CHCHD4: variants seen among roughly 807,000 people sequenced by gnomAD.
CHCHD4 encodes the protein coiled-coil-helix-coiled-coil-helix domain containing 4, also known as mitochondrial intermembrane space import and assembly protein 40.
In CHCHD4, 7 loss-of-function variants were observed where a neutral mutation model predicts 12.4. The ratio of observed to expected loss-of-function variants is 0.57; its 90% CI spans 0.32 to 1.06. The LOEUF is 1.06. Among genes scored for constraint, CHCHD4 ranks in the 50% least tolerant of loss-of-function variants. The probability of loss-of-function intolerance (pLI) is 0.04; values close to 1 mark genes in which losing one functional copy is unlikely to be tolerated. For missense variants in CHCHD4, 143 were observed against 175.1 expected (o/e 0.82, Z 1.03); for synonymous variants, 56 against 58.0 (o/e 0.97, Z 0.16).
chr3:14,124,508 C>G (rs542109853), intron 1 of CHCHD4, 147 bp downstream of exon 1: 17 of 583,090 alleles, frequency 2.9e-5, no homozygotes, highest in Non-Finnish European at 4.4e-5. Context: ...AGCGACCCCC[C>G]AGCCGGCCCG....
In CHCHD4 at chr3:14,116,490, ATCT is replaced by A. The variant is rs775165742; in HGVS notation, c.54_56del (p.Glu18del). The A allele has an allele frequency of 1.1e-5, 18 of 1,613,386 alleles. No homozygotes were observed. In the African/African-American group the frequency reaches 1.9e-4, roughly 17 times the overall value. On this transcript the variant is annotated inframe_deletion, in exon 2 of 3. Coordinates refer to ENST00000396914, the MANE Select transcript of CHCHD4 (RefSeq NM_001098502.2). ...ATTCTGCACTGCTTGGAGTTTCATGATCTTCTTTGGTTACAAATATGATTCGAT... is the reference window on the plus strand; with the variant it reads ...ATTCTGCACTGCTTGGAGTTTCATGATCTTTGGTTACAAATATGATTCGAT...
intron 1 of CHCHD4, chr3:14,122,150 T>A: frequency 6.7e-7 from 1 of 1,497,762 alleles, no homozygotes; most frequent in South Asian, 1.3e-5. Context: ...TGCAAAAGGT[T>A]TTCTTAAGAA....
chr3:14,118,511 C>G (rs1349838104), intron 1 of CHCHD4, among the ~76,000 whole-genome samples: 2 of 152,224 alleles, frequency 1.3e-5, no homozygotes, highest in Non-Finnish European at 1.5e-5. Flanking sequence ...AGGGAGGGCA[C>G]TTTGGTGCCT....
Position 14,112,147 on chromosome 3 carries a change from G to A in CHCHD4, c.*740C>T, listed in dbSNP as rs1332693642. On this transcript the variant is annotated 3_prime_UTR_variant, in exon 3 of 3. Transcript: ENST00000396914. The stretch of plus-strand genomic sequence containing the variant: ...ACGTTTCCTCTCTTGCTGCTACTCT[G>A]GTAATAATTAGGTCCCCACCTCTCA... 4 of 152,280 alleles carry A rather than the reference G, an allele frequency of 2.6e-5. No homozygotes were observed. Among genetic ancestry groups the A allele is most frequent in the African/African-American group, 9.6e-5 (4 of 41,540 alleles). The allele number at this position is 152,280 out of a possible 1,614,324, so 9.4% of individuals were successfully genotyped here. A position where few individuals can be genotyped will look rare whatever the true frequency, so the allele number is the denominator to read the frequency against.
chr3:14,124,356 G>A (rs1294689597), intron 1 of CHCHD4, among the ~76,000 whole-genome samples: 1 of 152,178 alleles, frequency 6.6e-6, no homozygotes, highest in Non-Finnish European at 1.5e-5. Flanking sequence ...AACGTGCTCG[G>A]CACTTCCCGT....
intron 1 of CHCHD4, among the ~76,000 whole-genome samples, chr3:14,119,793 C>G (rs377591288): frequency 1.2e-4 from 19 of 152,142 alleles, no homozygotes; most frequent in Middle Eastern, 3.2e-3. Context: ...TTAAGCACTT[C>G]CCACTGTATG....
At chr3:14,117,902 G>A (rs1030068817) in intron 1 of CHCHD4, among the ~76,000 whole-genome samples, 2 of 152,160 alleles carry the variant, frequency 1.3e-5, no homozygotes, top group South Asian at 2.1e-4. Context: ...AAGAATAATC[G>A]ACAGCTGACA....
chr3:14,123,711 T>G (rs767054092), intron 1 of CHCHD4, among the ~76,000 whole-genome samples: 1 of 152,158 alleles, frequency 6.6e-6, no homozygotes, highest in African/African-American at 2.4e-5. Flanking sequence ...TCATGAGTAT[T>G]TGCCGTATCA....
In CHCHD4 at chr3:14,122,200, T is replaced by C. The variant is rs566757862; in HGVS notation, c.22+2455A>G. On this transcript the variant is annotated intron_variant, in intron 1 of 2. Coordinates refer to ENST00000396914, the MANE Select transcript of CHCHD4 (RefSeq NM_001098502.2). ...GGATGTCTGAAGCCTCAGGAAGCCT[T>C]CTCAGACCCCATAGAGCCTTTCACT... is the stretch of plus-strand genomic sequence containing the variant. The C allele has an allele frequency of 5.7e-6, 8 of 1,409,608 alleles. No individual in the cohort carries two copies. The East Asian group carries it at 2.1e-4, about 37-fold the overall frequency. The allele number at this position is 1,409,608 out of a possible 1,614,324, so 87.3% of individuals were successfully genotyped here.
At position 14,124,767 on chromosome 3, in the gene CHCHD4, G is replaced by C; in HGVS notation, c.-91C>G. 2 of 1,402,952 alleles carry C rather than the reference G, an allele frequency of 1.4e-6. No individual in the cohort carries two copies. Among genetic ancestry groups the C allele is most frequent in the Non-Finnish European group, 1.9e-6 (2 of 1,054,700 alleles). 86.9% of individuals were successfully genotyped at this position (1,402,952 alleles called of 1,614,324 possible). A position where few individuals can be genotyped will look rare whatever the true frequency, so the allele number is the denominator to read the frequency against. ...ACCTCCCTCTCCTCTGGCAGGGCGG[G>C]CTCCTCCGAAGCCCGCGCGGACCCG... On this transcript the variant is annotated 5_prime_UTR_variant, in exon 1 of 3. Coordinates refer to ENST00000396914, the MANE Select transcript of CHCHD4 (RefSeq NM_001098502.2).
chr3:14,116,767 G>A (rs1259557045), intron 1 of CHCHD4, among the ~76,000 whole-genome samples: 2 of 152,228 alleles, frequency 1.3e-5, no homozygotes, highest in Admixed American at 6.5e-5. Context: ...ACAGGGTTCA[G>A]AATGCATAAA....
intron 1 of CHCHD4, among the ~76,000 whole-genome samples, chr3:14,118,824 A>C (rs1051891063): frequency 1.3e-5 from 2 of 152,262 alleles, no homozygotes; most frequent in Non-Finnish European, 2.9e-5. Context: ...GCTAAGCAGA[A>C]TGAGCTGATG....
intron 1 of CHCHD4, among the ~76,000 whole-genome samples, chr3:14,118,872 G>A (rs1257864335): frequency 1.3e-5 from 2 of 152,218 alleles, no homozygotes; most frequent in East Asian, 1.9e-4. Flanking sequence ...TTTGTTTACC[G>A]AGATGGCAGC....
At chr3:14,118,461 C>T (rs911701204) in intron 1 of CHCHD4, among the ~76,000 whole-genome samples, 3 of 152,214 alleles carry the variant, frequency 2.0e-5, no homozygotes, top group Non-Finnish European at 2.9e-5. Flanking sequence ...CAACAAAAAC[C>T]GAGCGACATC....
rs1201744002 is a variant in CHCHD4, at chr3:14,112,506, C to G, written c.*381G>C. 2 of 173,662 alleles carry G rather than the reference C, an allele frequency of 1.2e-5. No homozygotes were observed. The highest frequency in any genetic ancestry group is 1.7e-4 in the South Asian group (1 of 5,924). 10.8% of individuals were successfully genotyped at this position (173,662 alleles called of 1,614,324 possible). On this transcript the variant is annotated 3_prime_UTR_variant, in exon 3 of 3. Coordinates refer to ENST00000396914, the MANE Select transcript of CHCHD4 (RefSeq NM_001098502.2). ...GAGATGTTTTTGTTGTATTATTTCC[C>G]CAAGGGGTATAAAATCTACCAAAAG...
chr3:14,120,362 C>T (rs887093523), intron 1 of CHCHD4, among the ~76,000 whole-genome samples: 22 of 152,254 alleles, frequency 1.4e-4, no homozygotes, highest in African/African-American at 5.1e-4. Flanking sequence ...ACCCCATCTC[C>T]CACCATCACT....
intron 2 of CHCHD4, 35 bp from the exon 3 acceptor site, chr3:14,113,229 T>G (rs780224305): frequency 1.3e-6 from 2 of 1,540,556 alleles, no homozygotes; most frequent in African/African-American, 2.7e-5. Flanking sequence ...TTCTCTAAAG[T>G]TTCAGAAAAT....
chr3:14,116,099 A>G (rs1694873564), intron 2 of CHCHD4, among the ~76,000 whole-genome samples: 1 of 152,334 alleles, frequency 6.6e-6, no homozygotes, highest in Non-Finnish European at 1.5e-5. Flanking sequence ...TTGCTAATAA[A>G]GTTGGTAGAT....
At position 14,112,573 on chromosome 3, in the gene CHCHD4, C is replaced by T. The variant is rs1694832807; in HGVS notation, c.*314G>A. 7.9e-6 allele frequency: 2 copies of T among 252,718 alleles called. No individual in the cohort carries two copies. The highest frequency in any genetic ancestry group is 2.2e-5 in the African/African-American group (1 of 44,952). 15.7% of individuals were successfully genotyped at this position (252,718 alleles called of 1,614,324 possible). A position where few individuals can be genotyped will look rare whatever the true frequency, so the allele number is the denominator to read the frequency against. ...AATAAATCAGCTCACTCACAAGAAA[C>T]GTTCTTGGGTAATGGTTTTTAGTTG... On this transcript the variant is annotated 3_prime_UTR_variant, in exon 3 of 3. Transcript: ENST00000396914.
Sources: allele counts gnomAD v4.1 joint callset (sites outside exome capture counted in the v4.1 genomes callset), GRCh38; gene constraint gnomAD v4.1.1; transcripts MANE v1.5; gene names NCBI Gene and HGNC (gene_info 2026-07-23, HGNC 2026-07-21).